Variants in MYLK4 observed in about 807,000 individuals in gnomAD.
The protein encoded by MYLK4 is caMLCK like.
Under a neutral mutation model 48.1 loss-of-function variants are expected in MYLK4, and 46 were observed. That is an observed-to-expected ratio of 0.96 (90% CI 0.75 to 1.22). The LOEUF is 1.22. MYLK4 is among the 50% of genes most tolerant of loss of function. The pLI is 0.00. For synonymous variants in MYLK4, 170 were observed against 180.8 expected, an observed-to-expected ratio of 0.94 and a Z score of 0.48; for missense variants, 451 against 486.1, an observed-to-expected ratio of 0.93 and a Z score of 0.68.
chr6:2,765,425 A>T, the MYLK4 span: 1 of 531,540 alleles, frequency 1.9e-6, no homozygotes, highest in Non-Finnish European at 2.7e-6. Context: ...AGGCGCTGCC[A>T]GCGGCCGGCC....
At chr6:2,678,693 G>A (rs1186720773) in intron 9 of MYLK4, among the ~76,000 whole-genome samples, 1 of 150,618 alleles carries the variant, frequency 6.6e-6, no homozygotes, top group Non-Finnish European at 1.5e-5. Context: ...AGGCTAGCCT[G>A]AGTCATTTAG....
chr6:2,724,043 A>T (rs1763162376), intron 2 of MYLK4, among the ~76,000 whole-genome samples: 1 of 151,814 alleles, frequency 6.6e-6, no homozygotes, highest in African/African-American at 2.4e-5. Context: ...CCACTGGGAT[A>T]ATTTTTGTAT....
At position 2,668,359 on chromosome 6, in the gene MYLK4, G is replaced by A. The variant is rs111857238; in HGVS notation, c.*26-460C>T. Among the ~76,000 whole-genome samples the A allele has an allele frequency of 7.4e-3, 1,119 of 152,214 alleles. 15 individuals carry two copies. The highest frequency in any genetic ancestry group is 0.026 in the African/African-American group (1,060 of 41,524). On this transcript the variant is annotated intron_variant, in intron 12 of 12. Transcript: ENST00000274643. ...CACGTCTGACCTGGGGCCCGCACAC[G>A]GCTACCTGCCATCATTCCTGTGGCT...
chr6:2,671,313 A>T lies in MYLK4; in HGVS notation c.1155T>A (p.Phe385Leu), dbSNP rs1760885656. Residue 385 changes from phenylalanine to leucine, a missense_variant, in exon 12 of 13, where the codon TTT becomes TTA. By Grantham distance (22) the Phe-to-Leu change is conservative (BLOSUM62 0). Coordinates refer to ENST00000274643, the MANE Select transcript of MYLK4 (RefSeq NM_001012418.5). ...TGCCTCCTGTAGACTATTTGGTCAC[A>T]AAGTCCTGGGCATCAGAGCCACGAT... ...KKNRGSDAQD[F>L]VTK The T allele has an allele frequency of 1.2e-6, 2 of 1,614,050 alleles. No individual in the cohort carries two copies. The highest frequency in any genetic ancestry group is 8.5e-7 in the Non-Finnish European group (1 of 1,179,996).
At chr6:2,705,374 G>A (rs1762447065) in intron 2 of MYLK4, among the ~76,000 whole-genome samples, 1 of 152,168 alleles carries the variant, frequency 6.6e-6, no homozygotes, top group Non-Finnish European at 1.5e-5. Context: ...TTCTTCTCAA[G>A]TTTCTTCTCA....
At chr6:2,758,606 C>A in the MYLK4 span, among the ~76,000 whole-genome samples, 1 of 152,116 alleles carries the variant, frequency 6.6e-6, no homozygotes, top group African/African-American at 2.4e-5. Context: ...CCTTCCCAAG[C>A]TAACCACTAA....
At chr6:2,766,107 C>T in the MYLK4 span, 20 of 1,318,334 alleles carry the variant, frequency 1.5e-5, no homozygotes, top group Admixed American at 4.1e-5. Context: ...GAGGCGGAGG[C>T]GCAGGAGGAG....
intron 2 of MYLK4, among the ~76,000 whole-genome samples, chr6:2,726,746 G>A (rs1322641276): frequency 6.6e-6 from 1 of 151,668 alleles, no homozygotes; most frequent in African/African-American, 2.4e-5. Flanking sequence ...CTGAGTAGCT[G>A]GGATTACAGG....
chr6:2,688,681 C>A (rs1305073587), intron 4 of MYLK4, among the ~76,000 whole-genome samples, 170 bp downstream of exon 4: 1 of 152,176 alleles, frequency 6.6e-6, no homozygotes, highest in Non-Finnish European at 1.5e-5. Flanking sequence ...AGTTTAGTCA[C>A]CACATTAACC....
intron 2 of MYLK4, among the ~76,000 whole-genome samples, chr6:2,713,160 C>A (rs948956622): frequency 6.6e-6 from 1 of 151,934 alleles, no homozygotes; most frequent in African/African-American, 2.4e-5. Context: ...CCCCTGAGGT[C>A]GGGAGTTCGA....
At chr6:2,718,807 A>T (rs1205673759) in intron 2 of MYLK4, among the ~76,000 whole-genome samples, 1 of 152,254 alleles carries the variant, frequency 6.6e-6, no homozygotes, top group Non-Finnish European at 1.5e-5. Context: ...TATTCAAAAG[A>T]ACAACTGAAT....
intron 9 of MYLK4, among the ~76,000 whole-genome samples, chr6:2,678,607 T>G (rs1009720556): frequency 4.6e-5 from 7 of 152,100 alleles, no homozygotes; most frequent in African/African-American, 1.7e-4. Context: ...GCTTCCTTTT[T>G]AAAGCACTTT....
At chr6:2,703,258 G>C (rs970889113) in intron 2 of MYLK4, among the ~76,000 whole-genome samples, 15 of 152,140 alleles carry the variant, frequency 9.9e-5, no homozygotes, top group African/African-American at 3.4e-4. Flanking sequence ...TCATATGAAG[G>C]CATGTGGCCA....
the MYLK4 span, chr6:2,765,317 G>A: frequency 4.1e-5 from 9 of 219,524 alleles, no homozygotes; most frequent in Non-Finnish European, 7.1e-5. Context: ...CGGTGATTGG[G>A]GCAAACGGCC....
chr6:2,725,593 A>AAGAAAGAAAGAAAGAAAGAAAGAGAAAG (rs1561868230), intron 2 of MYLK4, among the ~76,000 whole-genome samples: 5 of 143,524 alleles, frequency 3.5e-5, no homozygotes, highest in African/African-American at 1.4e-4. Flanking sequence ...AAGAGAAAGA[A>AAGAAAGAAAGAAAGAAAGAAAGAGAAAG]AGAAAGAAAG....
chr6:2,699,063 T>C (rs1373513526), intron 2 of MYLK4, among the ~76,000 whole-genome samples: 1 of 152,136 alleles, frequency 6.6e-6, no homozygotes, highest in East Asian at 1.9e-4. Context: ...AGCCTTTCCA[T>C]GCACCCACAA....
intron 2 of MYLK4, among the ~76,000 whole-genome samples, chr6:2,695,918 A>C (rs1762043303): frequency 1.3e-5 from 2 of 152,240 alleles, no homozygotes; most frequent in Admixed American, 1.3e-4. Flanking sequence ...TTAAGCATTA[A>C]GTTTCTGACC....
intron 2 of MYLK4, among the ~76,000 whole-genome samples, chr6:2,723,380 A>G (rs960536745): frequency 6.6e-5 from 10 of 152,232 alleles, no homozygotes; most frequent in African/African-American, 1.9e-4. Context: ...TCTGTTCTCC[A>G]TATTTGTGAA....
At chr6:2,765,754 G>A in the MYLK4 span, 3 of 1,494,384 alleles carry the variant, frequency 2.0e-6, no homozygotes, top group Non-Finnish European at 2.7e-6. Context: ...TGCTCCACCC[G>A]GCGGGGCACG....
Sources: allele counts gnomAD v4.1 joint callset (sites outside exome capture counted in the v4.1 genomes callset), GRCh38; gene constraint gnomAD v4.1.1; transcripts MANE v1.5; gene names NCBI Gene and HGNC (gene_info 2026-07-23, HGNC 2026-07-21).